MAP4K3: variants seen among roughly 807,000 people sequenced by gnomAD.
The protein encoded by MAP4K3 is mitogen-activated protein kinase kinase kinase kinase 3.
In MAP4K3, 94 loss-of-function variants were observed where a neutral mutation model predicts 143.5. The ratio of observed to expected loss-of-function variants is 0.65; its 90% CI spans 0.55 to 0.78. MAP4K3 has a LOEUF of 0.78. Ranked by LOEUF, MAP4K3 falls within the 30% of genes least tolerant of loss-of-function variation. The pLI, the probability that MAP4K3 is intolerant of heterozygous loss-of-function variation, is 0.00. For synonymous variants in MAP4K3, 416 were observed against 347.2 expected, an observed-to-expected ratio of 1.20 and a Z score of -2.20; for missense variants, 1,077 against 1,068.1, an observed-to-expected ratio of 1.01 and a Z score of -0.12.
chr2:39,357,425 G>C (rs1573193287), intron 2 of MAP4K3, among the ~76,000 whole-genome samples: 1 of 152,348 alleles, frequency 6.6e-6, no homozygotes, highest in East Asian at 1.9e-4. Flanking sequence ...TAAGGTCATT[G>C]TGGTAAGCCC....
At chr2:39,342,089 G>C (rs542822490) in intron 4 of MAP4K3, among the ~76,000 whole-genome samples, 1 of 150,312 alleles carries the variant, frequency 6.7e-6, no homozygotes, top group East Asian at 1.9e-4. Flanking sequence ...CTCTGAAAAT[G>C]CACTTCTTTG....
At chr2:39,384,723 C>T (rs1428218462) in intron 1 of MAP4K3, among the ~76,000 whole-genome samples, 18 of 152,124 alleles carry the variant, frequency 1.2e-4, no homozygotes, top group Admixed American at 1.0e-3. Flanking sequence ...TTTAATTGTA[C>T]GTGTGTACAA....
chr2:39,331,483 C>T (rs1013343109), intron 8 of MAP4K3, among the ~76,000 whole-genome samples: 1 of 152,050 alleles, frequency 6.6e-6, no homozygotes, highest in East Asian at 1.9e-4. Context: ...AAGAAATCTG[C>T]ATTTGATCCT....
At chr2:39,396,354 A>T (rs138460594) in intron 1 of MAP4K3, among the ~76,000 whole-genome samples, 2 of 152,222 alleles carry the variant, frequency 1.3e-5, no homozygotes, top group African/African-American at 2.4e-5. Context: ...GTATTTGTAT[A>T]CCAATAGCTT....
chr2:39,316,626 A>T (rs1000907705), intron 12 of MAP4K3, among the ~76,000 whole-genome samples: 3 of 152,174 alleles, frequency 2.0e-5, no homozygotes, highest in Admixed American at 2.0e-4. Context: ...AGGCCAGGGA[A>T]TGAAAGATGC....
intron 1 of MAP4K3, among the ~76,000 whole-genome samples, chr2:39,416,190 G>A (rs947135723): frequency 2.0e-5 from 3 of 151,128 alleles, no homozygotes; most frequent in Non-Finnish European, 4.4e-5. Flanking sequence ...GGAGTTGGGA[G>A]GGCTGTCCTG....
chr2:39,338,891 G>C (rs941434086), intron 4 of MAP4K3, among the ~76,000 whole-genome samples: 1 of 152,180 alleles, frequency 6.6e-6, no homozygotes, highest in African/African-American at 2.4e-5. Flanking sequence ...TTGGCACCTT[G>C]ATCTTGCACT....
At chr2:39,398,488 A>T (rs899133914) in intron 1 of MAP4K3, among the ~76,000 whole-genome samples, 1 of 151,932 alleles carries the variant, frequency 6.6e-6, no homozygotes, top group African/African-American at 2.4e-5. Flanking sequence ...AAATGAACTA[A>T]GGAGAAGGGA....
chr2:39,272,550 A>G lies in MAP4K3; in HGVS notation c.1795-8T>C. ...ACACCTTCGAGGGAATAGCTGATTA[A>G]AAAAAGGCACAAAGTTTACAAAGAA... is the stretch of plus-strand genomic sequence containing the variant. On this transcript the variant is annotated splice_polypyrimidine_tract_variant and splice_region_variant and intron_variant, in intron 24 of 33. Coordinates refer to ENST00000263881, the MANE Select transcript of MAP4K3 (RefSeq NM_003618.4). The G allele has an allele frequency of 6.2e-7, 1 of 1,611,622 alleles. No homozygotes were observed. The highest frequency in any genetic ancestry group is 8.5e-7 in the Non-Finnish European group (1 of 1,178,132).
intron 1 of MAP4K3, among the ~76,000 whole-genome samples, chr2:39,417,588 T>C (rs1347386738): frequency 3.9e-5 from 6 of 152,146 alleles, no homozygotes; most frequent in South Asian, 2.1e-4. Flanking sequence ...GAACAAACCA[T>C]GTGATGCTAG....
chr2:39,410,830 G>A (rs577140417), intron 1 of MAP4K3, among the ~76,000 whole-genome samples: 2 of 152,082 alleles, frequency 1.3e-5, no homozygotes, highest in South Asian at 4.2e-4. Context: ...AAGGATATAC[G>A]GTACAATGAC....
intron 24 of MAP4K3, among the ~76,000 whole-genome samples, chr2:39,275,000 G>A (rs1681186851): frequency 1.3e-5 from 2 of 152,128 alleles, no homozygotes. Flanking sequence ...CAATTTCACA[G>A]TAAGATGAAA....
intron 1 of MAP4K3, among the ~76,000 whole-genome samples, chr2:39,430,280 TAAAC>T (rs937705945): frequency 1.3e-5 from 2 of 152,176 alleles, no homozygotes; most frequent in African/African-American, 2.4e-5. Context: ...TCTAAGAGCT[TAAAC>T]AAACAAAATA....
At chr2:39,433,833 A>T (rs72931145) in intron 1 of MAP4K3, among the ~76,000 whole-genome samples, 10,233 of 152,200 alleles carry the variant, frequency 0.067, 1,161 homozygotes, top group African/African-American at 0.23. Flanking sequence ...TAAAATGTAT[A>T]TATGCATTGG....
chr2:39,272,651 G>C (rs1681078556), intron 24 of MAP4K3, 109 bp from the exon 25 acceptor site: 2 of 771,926 alleles, frequency 2.6e-6, no homozygotes, highest in Non-Finnish European at 4.3e-6. Flanking sequence ...TTCTTTAAAA[G>C]TAAATTATTT....
chr2:39,254,640 A>T lies in MAP4K3; in HGVS notation c.2471-120T>A. On this transcript the variant is annotated intron_variant, in intron 31 of 33. Coordinates refer to ENST00000263881, the MANE Select transcript of MAP4K3 (RefSeq NM_003618.4). ...ATTCACAACTAATGTCAGCTATTCC[A>T]TATTTATATGGCATCTTTACATTTG... The T allele has an allele frequency of 4.6e-6, 3 of 655,450 alleles. No individual in the cohort carries two copies. In the East Asian group the frequency reaches 7.6e-5, roughly 17 times the overall value. The allele number at this position is 655,450 out of a possible 1,614,324, so 40.6% of individuals were successfully genotyped here.
chr2:39,349,118 T>C (rs555212111), intron 3 of MAP4K3, among the ~76,000 whole-genome samples: 46 of 152,364 alleles, frequency 3.0e-4, no homozygotes, highest in African/African-American at 1.0e-3. Context: ...CTGTGAGTTG[T>C]TGTCTTGCTG....
chr2:39,265,907 AAAGTAAATATATGTG>A (rs1162292194), intron 27 of MAP4K3, among the ~76,000 whole-genome samples: 1 of 152,132 alleles, frequency 6.6e-6, no homozygotes. Context: ...CAGAAGAAGT[AAAGTAAATATATGTG>A]AAGTAAATAT....
At chr2:39,380,605 A>G (rs1467141379) in intron 1 of MAP4K3, among the ~76,000 whole-genome samples, 1 of 152,192 alleles carries the variant, frequency 6.6e-6, no homozygotes, top group Non-Finnish European at 1.5e-5. Flanking sequence ...AGAAAACAGG[A>G]TAAAATATTC....
Sources: gnomAD v4.1 joint callset for allele counts (sites outside exome capture counted in the v4.1 genomes callset) on GRCh38, gnomAD v4.1.1 for gene constraint, MANE v1.5 for transcripts, NCBI Gene and HGNC (gene_info 2026-07-23, HGNC 2026-07-21) for gene names.